The following ST8SIA2 variants were observed in gnomAD, a reference collection of about 807,000 sequenced individuals.
ST8SIA2 encodes ST8 alpha-N-acetyl-neuraminide alpha-2,8-sialyltransferase 2.
A neutral mutation model predicts 37.6 loss-of-function variants in ST8SIA2; 22 were observed. That is an observed-to-expected ratio of 0.58 (90% CI 0.42 to 0.83). The LOEUF (loss-of-function observed/expected upper bound fraction) is 0.83, where lower values mean the gene tolerates loss of function less well. Among genes scored for constraint, ST8SIA2 ranks in the 40% least tolerant of loss-of-function variants. The pLI is 0.00. For synonymous variants in ST8SIA2, 205 were observed against 201.2 expected, an observed-to-expected ratio of 1.02 and a Z score of -0.16; for missense variants, 382 against 484.7, an observed-to-expected ratio of 0.79 and a Z score of 1.99.
chr15:92,459,202 A>C (rs2049940893), intron 5 of ST8SIA2, among the ~76,000 whole-genome samples: 1 of 152,202 alleles, frequency 6.6e-6, no homozygotes, highest in Non-Finnish European at 1.5e-5. Context: ...AGACCTTGCT[A>C]TCAGAAAATA....
intron 1 of ST8SIA2, among the ~76,000 whole-genome samples, chr15:92,423,250 A>G (rs2049650018): frequency 1.3e-5 from 2 of 152,172 alleles, no homozygotes; most frequent in Non-Finnish European, 2.9e-5. Flanking sequence ...AACACCACCC[A>G]ACTGTACACT....
chr15:92,410,096 C>A (rs1278528770), intron 1 of ST8SIA2, among the ~76,000 whole-genome samples: 1 of 152,230 alleles, frequency 6.6e-6, no homozygotes, highest in Non-Finnish European at 1.5e-5. Context: ...TCAGTTTTCG[C>A]ATTTATAAAA....
intron 1 of ST8SIA2, among the ~76,000 whole-genome samples, chr15:92,405,445 C>T (rs753683505): frequency 4.6e-5 from 7 of 152,200 alleles, no homozygotes; most frequent in East Asian, 1.9e-4. Flanking sequence ...GCTACTGAAC[C>T]GAACACTTAA....
intron 5 of ST8SIA2, among the ~76,000 whole-genome samples, chr15:92,448,889 C>A (rs1366103050): frequency 6.6e-6 from 1 of 151,986 alleles, no homozygotes; most frequent in East Asian, 1.9e-4. Context: ...AATCTTGTTT[C>A]CTTATGTTAA....
At chr15:92,449,975 T>C (rs2049870514) in intron 5 of ST8SIA2, among the ~76,000 whole-genome samples, 1 of 152,234 alleles carries the variant, frequency 6.6e-6, no homozygotes, top group Admixed American at 6.5e-5. Flanking sequence ...TTGTTAATTG[T>C]ACATTTCACT....
chr15:92,439,340 T>G (rs944322749), intron 4 of ST8SIA2, among the ~76,000 whole-genome samples: 1 of 152,244 alleles, frequency 6.6e-6, no homozygotes, highest in African/African-American at 2.4e-5. Context: ...CTCTAAAATA[T>G]CAGCTCTCAT....
chr15:92,458,644 C>T (rs1415635465), intron 5 of ST8SIA2, among the ~76,000 whole-genome samples: 2 of 152,220 alleles, frequency 1.3e-5, no homozygotes, highest in South Asian at 2.1e-4. Flanking sequence ...GCAGGACCAA[C>T]GACCTTCCCA....
chr15:92,432,018 C>G (rs1271213694), intron 2 of ST8SIA2, among the ~76,000 whole-genome samples: 1 of 152,144 alleles, frequency 6.6e-6, no homozygotes, highest in African/African-American at 2.4e-5. Flanking sequence ...GGTTTCCAAG[C>G]AGGTCTCCTC....
chr15:92,431,617 T>A (rs889600493), intron 2 of ST8SIA2, among the ~76,000 whole-genome samples: 1 of 152,010 alleles, frequency 6.6e-6, no homozygotes, highest in African/African-American at 2.4e-5. Flanking sequence ...ATTTTGGAAA[T>A]GGGGGAGGGG....
chr15:92,449,340 T>C (rs776480815), intron 5 of ST8SIA2, among the ~76,000 whole-genome samples: 6 of 152,236 alleles, frequency 3.9e-5, no homozygotes, highest in Non-Finnish European at 7.3e-5. Context: ...ATGGGTATTG[T>C]TTATACACCA....
intron 5 of ST8SIA2, among the ~76,000 whole-genome samples, chr15:92,448,262 G>C (rs2049856367): frequency 6.6e-6 from 1 of 152,204 alleles, no homozygotes; most frequent in African/African-American, 2.4e-5. Context: ...GCTTGGAATG[G>C]AATTCTGCCA....
intron 1 of ST8SIA2, among the ~76,000 whole-genome samples, chr15:92,398,362 GT>G (rs2049447208): frequency 6.6e-6 from 1 of 152,216 alleles, no homozygotes; most frequent in African/African-American, 2.4e-5. Flanking sequence ...CCTCATATTA[GT>G]TCCTCTACCC....
In ST8SIA2 at chr15:92,466,151, G is replaced by C. The variant is rs777739728; in HGVS notation, c.*1766G>C. 6.6e-6 allele frequency: 1 copy of C among 152,126 alleles called. No homozygotes were observed. The highest frequency in any genetic ancestry group is 1.5e-5 in the Non-Finnish European group (1 of 68,032). 9.4% of individuals were successfully genotyped at this position (152,126 alleles called of 1,614,324 possible). Reference sequence around the variant, plus strand: ...CACAAGAACACTCCAGCCCAAAACCGTGAGGAAGGTGATATATCTCTGCAT... The same window carrying C: ...CACAAGAACACTCCAGCCCAAAACCCTGAGGAAGGTGATATATCTCTGCAT... On this transcript the variant is annotated 3_prime_UTR_variant, in exon 6 of 6. Coordinates refer to ENST00000268164, the MANE Select transcript of ST8SIA2 (RefSeq NM_006011.4).
chr15:92,414,172 A>G (rs1418571100), intron 1 of ST8SIA2, among the ~76,000 whole-genome samples: 1 of 152,252 alleles, frequency 6.6e-6, no homozygotes. Flanking sequence ...GCACAGGCCC[A>G]GAACTGCCAA....
chr15:92,411,184 A>G (rs957579078), intron 1 of ST8SIA2, among the ~76,000 whole-genome samples: 2 of 152,182 alleles, frequency 1.3e-5, no homozygotes, highest in African/African-American at 2.4e-5. Context: ...CATTTTTCTG[A>G]GCAGATGGTT....
At chr15:92,421,962 A>C (rs79400768) in intron 1 of ST8SIA2, among the ~76,000 whole-genome samples, 4,013 of 152,348 alleles carry the variant, frequency 0.026, 181 homozygotes, top group African/African-American at 0.089. Context: ...TTTTTATGAC[A>C]AAAACGTGGT....
chr15:92,446,578 G>C (rs922645323), intron 5 of ST8SIA2, among the ~76,000 whole-genome samples: 1 of 152,210 alleles, frequency 6.6e-6, no homozygotes, highest in South Asian at 2.1e-4. Context: ...TATACACTAA[G>C]ACACAGTAGT....
chr15:92,410,424 G>A (rs903786915), intron 1 of ST8SIA2, among the ~76,000 whole-genome samples: 8 of 152,176 alleles, frequency 5.3e-5, no homozygotes, highest in African/African-American at 1.7e-4. Flanking sequence ...TCAATGGAAC[G>A]TCCTGATAAA....
At position 92,457,542 on chromosome 15, in the gene ST8SIA2, C is replaced by T. The variant is rs1368517371; in HGVS notation, c.843-6558C>T. ...AAAGGTGCACTGTCAATACAACGTC[C>T]CGGATGCACCCAGCTAACCTCATTT... On this transcript the variant is annotated intron_variant, in intron 5 of 5. Transcript: ENST00000268164. Among the ~76,000 whole-genome samples, 4 of 152,156 alleles carry T rather than the reference C, an allele frequency of 2.6e-5. No homozygotes were observed. The East Asian group carries it at 5.8e-4, about 22-fold the overall frequency.
Sources: allele counts gnomAD v4.1 joint callset (sites outside exome capture counted in the v4.1 genomes callset), GRCh38; gene constraint gnomAD v4.1.1; transcripts MANE v1.5; gene names NCBI Gene and HGNC (gene_info 2026-07-23, HGNC 2026-07-21).